The following NUP210L variants were observed in gnomAD, a reference collection of about 807,000 sequenced individuals.
The protein encoded by NUP210L is nucleoporin 210 like.
In NUP210L, 74 loss-of-function variants were observed where a neutral mutation model predicts 208.5. The ratio of observed to expected loss-of-function variants is 0.35; its 90% CI spans 0.29 to 0.43. The LOEUF (loss-of-function observed/expected upper bound fraction) is 0.43. NUP210L is among the 20% of genes least tolerant of loss of function. NUP210L has a pLI of 1.00. For missense variants in NUP210L, 1,843 were observed against 2,289.4 expected (o/e 0.81, Z 3.98); for synonymous variants, 780 against 816.9 (o/e 0.95, Z 0.77).
intron 1 of NUP210L, among the ~76,000 whole-genome samples, chr1:154,154,598 G>A (rs1476167178): frequency 2.0e-5 from 3 of 152,038 alleles, no homozygotes; most frequent in Non-Finnish European, 4.4e-5. Context: ...CCCACATCCC[G>A]AGAATTCCTC....
chr1:154,035,378 G>C (rs917271672), intron 27 of NUP210L, among the ~76,000 whole-genome samples: 1 of 150,854 alleles, frequency 6.6e-6, no homozygotes, highest in African/African-American at 2.4e-5. Context: ...TGCTTCATTA[G>C]GCTTTTTATT....
intron 12 of NUP210L, among the ~76,000 whole-genome samples, chr1:154,115,893 C>CG (rs1657295129): frequency 6.6e-6 from 1 of 151,764 alleles, no homozygotes; most frequent in South Asian, 2.1e-4. Flanking sequence ...CCGGGGTGGG[C>CG]GGATCACTTG....
intron 15 of NUP210L, among the ~76,000 whole-genome samples, chr1:154,094,063 C>G (rs1167434974): frequency 6.6e-6 from 1 of 152,060 alleles, no homozygotes; most frequent in Non-Finnish European, 1.5e-5. Flanking sequence ...TTGGGCAGAT[C>G]ACAAGGTCAG....
intron 17 of NUP210L, 71 bp downstream of exon 17, chr1:154,070,199 AAAC>A: frequency 7.9e-7 from 1 of 1,266,550 alleles, no homozygotes; most frequent in Non-Finnish European, 1.1e-6. Context: ...TTAAAGCAAA[AAAC>A]AAAACAAAAC....
intron 10 of NUP210L, 72 bp from the exon 11 acceptor site, chr1:154,118,880 A>G (rs1657468526): frequency 1.2e-6 from 1 of 814,696 alleles, no homozygotes; most frequent in Admixed American, 2.6e-5. Context: ...TCATATACTC[A>G]AAACATCAGC....
At chr1:154,013,006 C>CAAAAAAA (rs149011212) in intron 33 of NUP210L, among the ~76,000 whole-genome samples, 33 of 72,166 alleles carry the variant, frequency 4.6e-4, no homozygotes, top group East Asian at 1.9e-3. Flanking sequence ...AACTCTGAAT[C>CAAAAAAA]AAAAAAAAAA....
At chr1:154,003,486 G>A (rs747014901) in intron 35 of NUP210L, among the ~76,000 whole-genome samples, 5 of 151,090 alleles carry the variant, frequency 3.3e-5, no homozygotes, top group Middle Eastern at 3.5e-3. Context: ...GATTACAGGC[G>A]TGAGCCACCA....
chr1:154,013,503 G>A (rs1651065671), intron 33 of NUP210L, among the ~76,000 whole-genome samples: 1 of 152,076 alleles, frequency 6.6e-6, no homozygotes, highest in African/African-American at 2.4e-5. Context: ...GAACTCGGGA[G>A]GCGGAGTCTG....
Position 154,027,393 on chromosome 1 carries a change from A to T in NUP210L, c.3947+113T>A. On this transcript the variant is annotated intron_variant, in intron 29 of 39. Coordinates refer to ENST00000368559, the Ensembl canonical transcript of NUP210L. Reference sequence around the variant, plus strand: ...TTATGGGAATTTCACCTCACACAAAAAATTATTTGGGAAAAATCTCCTAGA... The same window carrying T: ...TTATGGGAATTTCACCTCACACAAATAATTATTTGGGAAAAATCTCCTAGA... 5.5e-6 allele frequency: 4 copies of T among 725,802 alleles called. No homozygotes were observed. The South Asian group carries it at 7.5e-5, about 14-fold the overall frequency. 45.0% of individuals were successfully genotyped at this position (725,802 alleles called of 1,614,324 possible).
intron 25 of NUP210L, among the ~76,000 whole-genome samples, chr1:154,052,160 A>G (rs1653540114): frequency 6.6e-6 from 1 of 152,254 alleles, no homozygotes; most frequent in Non-Finnish European, 1.5e-5. Flanking sequence ...CAGAAGCAGA[A>G]CAATTGGTTT....
intron 34 of NUP210L, among the ~76,000 whole-genome samples, chr1:154,011,522 A>G (rs914176758): frequency 1.5e-5 from 2 of 136,250 alleles, no homozygotes; most frequent in Non-Finnish European, 3.2e-5. Context: ...GCGCCTGGCC[A>G]TCTCTATTTT....
At chr1:154,073,814 C>CAATAAATAAATA (rs3073948) in intron 16 of NUP210L, among the ~76,000 whole-genome samples, 214 of 131,064 alleles carry the variant, frequency 1.6e-3, no homozygotes, top group South Asian at 2.1e-3. Flanking sequence ...GACTCTGTCT[C>CAATAAATAAATA]AATAAATAAA....
intron 10 of NUP210L, among the ~76,000 whole-genome samples, chr1:154,120,760 G>T (rs572563166): frequency 6.6e-6 from 1 of 151,786 alleles, no homozygotes; most frequent in South Asian, 2.1e-4. Context: ...GCCAGGCATG[G>T]TGGCATGCAC....
At chr1:153,996,700 C>T (rs1431298944) in intron 37 of NUP210L, among the ~76,000 whole-genome samples, 1 of 152,142 alleles carries the variant, frequency 6.6e-6, no homozygotes, top group Non-Finnish European at 1.5e-5. Flanking sequence ...GAATTACAGG[C>T]ATGAGCCGCT....
intron 1 of NUP210L, among the ~76,000 whole-genome samples, chr1:154,153,495 G>A (rs1659508100): frequency 6.6e-6 from 1 of 152,074 alleles, no homozygotes; most frequent in African/African-American, 2.4e-5. Context: ...TTTTTAGTAG[G>A]GATGGGCTTT....
chr1:153,995,235 T>C, intron 37 of NUP210L, 55 bp from the exon 38 acceptor site: 2 of 1,248,726 alleles, frequency 1.6e-6, no homozygotes, highest in Non-Finnish European at 2.3e-6. Flanking sequence ...CATGGGCAGA[T>C]GCTGCATTTT....
intron 28 of NUP210L, among the ~76,000 whole-genome samples, chr1:154,028,468 T>C (rs1221688168): frequency 2.6e-5 from 4 of 152,028 alleles, no homozygotes; most frequent in African/African-American, 2.4e-5. Context: ...ATGCCTGTAA[T>C]CTCAGGTACT....
intron 25 of NUP210L, among the ~76,000 whole-genome samples, chr1:154,046,766 T>C (rs1213861982): frequency 6.6e-6 from 1 of 152,110 alleles, no homozygotes; most frequent in African/African-American, 2.4e-5. Flanking sequence ...CTCATGGAGA[T>C]AAAGAATAGA....
intron 34 of NUP210L, 126 bp from the exon 35 acceptor site, chr1:154,010,247 G>C (rs1321301131): frequency 1.3e-5 from 10 of 792,662 alleles, no homozygotes; most frequent in Non-Finnish European, 1.8e-5. Context: ...GTTATGGCTG[G>C]TTTGCCCACC....
Sources: gnomAD v4.1 joint callset for allele counts (sites outside exome capture counted in the v4.1 genomes callset) on GRCh38, gnomAD v4.1.1 for gene constraint, MANE v1.5 for transcripts, NCBI Gene and HGNC (gene_info 2026-07-23, HGNC 2026-07-21) for gene names.